Variants in MALAT1 observed in about 807,000 individuals in gnomAD.
MALAT1 encodes hepcarcin.
At chr11:65,499,012 G>T (rs761051659) in exon 3 of MALAT1, 21 of 518,660 alleles carry the variant, frequency 4.0e-5, no homozygotes, top group South Asian at 2.1e-4. Context: ...GTTGTTCTCC[G>T]TCTATAAATA....
intron 2 of MALAT1, chr11:65,498,873 T>G (rs750984980): frequency 1.9e-6 from 1 of 518,398 alleles, no homozygotes; most frequent in Non-Finnish European, 3.9e-6. Flanking sequence ...ATGTGTAGTT[T>G]GCATTCAAGT....
intron 1 of MALAT1, chr11:65,498,475 C>A (rs183969190): frequency 1.9e-6 from 1 of 518,520 alleles, no homozygotes; most frequent in South Asian, 1.4e-5. Context: ...TCTAAGATTT[C>A]CCAAGCAGAC....
At chr11:65,502,799 A>T in exon 3 of MALAT1, 1 of 513,752 alleles carries the variant, frequency 1.9e-6, no homozygotes, top group Non-Finnish European at 3.9e-6. Flanking sequence ...CTTACTACTG[A>T]TGAGAACATT....
Position 65,499,583 on chromosome 11 carries a change from C to T in MALAT1, n.846C>T, listed in dbSNP as rs183072922. The T allele has an allele frequency of 2.0e-5, 9 of 453,334 alleles. No individual in the cohort carries two copies. The East Asian group carries it at 4.8e-4, about 24-fold the overall frequency. 28.1% of individuals were successfully genotyped at this position (453,334 alleles called of 1,614,324 possible). Reference sequence around the variant, plus strand: ...ATTTAAAGCCTAGTTAACGCATTTACTAAACGCAGACGAAAATGGAAAGAT... The same window carrying T: ...ATTTAAAGCCTAGTTAACGCATTTATTAAACGCAGACGAAAATGGAAAGAT... On this transcript the variant is annotated non_coding_transcript_exon_variant, in exon 3 of 4. Transcript: ENST00000619449.
chr11:65,499,921 CAA>C (rs1854502080), exon 3 of MALAT1: 1 of 435,208 alleles, frequency 2.3e-6, no homozygotes, highest in Non-Finnish European at 4.5e-6. Context: ...CAAGCTAAGA[CAA>C]GTATTGGAGA....
At chr11:65,498,445 C>G (rs1191363573) in intron 1 of MALAT1, 1 of 518,576 alleles carries the variant, frequency 1.9e-6, no homozygotes, top group Non-Finnish European at 3.8e-6. Context: ...AGGCGTTTTC[C>G]AAGAGTGGGT....
chr11:65,504,069 C>G (rs141917157), intron 3 of MALAT1: 5 of 518,044 alleles, frequency 9.7e-6, no homozygotes, highest in African/African-American at 5.8e-5. Flanking sequence ...ATGTTTTACA[C>G]TATTGACCTT....
At chr11:65,502,163 T>G (rs767564359) in exon 3 of MALAT1, 1 of 516,740 alleles carries the variant, frequency 1.9e-6, no homozygotes, top group Non-Finnish European at 3.9e-6. Context: ...TATAGAGCTT[T>G]TGGGGAAGGA....
At chr11:65,505,441 C>G (rs1039564946) in intron 3 of MALAT1, 26 of 512,740 alleles carry the variant, frequency 5.1e-5, no homozygotes, top group Non-Finnish European at 9.7e-5. Context: ...TAATAAAGCC[C>G]AAATCTCAAG....
At chr11:65,505,439 C>T in intron 3 of MALAT1, 1 of 512,704 alleles carries the variant, frequency 2.0e-6, no homozygotes, top group Admixed American at 2.0e-5. Flanking sequence ...AATAATAAAG[C>T]CCAAATCTCA....
intron 3 of MALAT1, chr11:65,506,065 C>A: frequency 4.7e-6 from 2 of 428,300 alleles, no homozygotes; most frequent in South Asian, 1.7e-5. Flanking sequence ...GTATTGTTTT[C>A]TCAGGTTTTG....
chr11:65,503,586 C>G (rs759638626), exon 3 of MALAT1: 2 of 511,662 alleles, frequency 3.9e-6, no homozygotes, highest in Non-Finnish European at 7.8e-6. Context: ...TGTAGAAAAC[C>G]ATTAAATCAT....
In MALAT1 at chr11:65,499,660, G is replaced by A. The variant is rs1034501373; in HGVS notation, n.923G>A. Reference sequence around the variant, plus strand: ...TTTGGAGAAGATAGAAGTTTGAAGTGGAAAACTGGAAGACAGAAGTACGGG... The same window carrying A: ...TTTGGAGAAGATAGAAGTTTGAAGTAGAAAACTGGAAGACAGAAGTACGGG... On this transcript the variant is annotated non_coding_transcript_exon_variant, in exon 3 of 4. Coordinates refer to ENST00000619449, the Ensembl canonical transcript of MALAT1. 3 of 435,242 alleles carry A rather than the reference G, an allele frequency of 6.9e-6. No individual in the cohort carries two copies. In the Admixed American group the frequency reaches 8.3e-5, roughly 12 times the overall value. The allele number at this position is 435,242 out of a possible 1,614,324, so 27.0% of individuals were successfully genotyped here.
chr11:65,502,521 A>G (rs538195270), exon 3 of MALAT1: 1 of 486,086 alleles, frequency 2.1e-6, no homozygotes, highest in African/African-American at 2.0e-5. Context: ...TGTTTATTTT[A>G]AACTTATCTG....
chr11:65,504,340 G>A (rs1412847560), intron 3 of MALAT1: 1 of 514,768 alleles, frequency 1.9e-6, no homozygotes, highest in African/African-American at 1.9e-5. Context: ...CACAGAGAAT[G>A]CAGTTGTCTT....
chr11:65,500,520 A>T (rs1379906847), exon 3 of MALAT1: 2 of 518,900 alleles, frequency 3.9e-6, no homozygotes, highest in Non-Finnish European at 7.7e-6. Context: ...CGTGGTGAAG[A>T]TAGGAAAAGA....
At chr11:65,501,098 G>A (rs1393596692) in exon 3 of MALAT1, 1 of 515,650 alleles carries the variant, frequency 1.9e-6, no homozygotes, top group Non-Finnish European at 3.9e-6. Flanking sequence ...CAGTTTGTAT[G>A]TTTAGTTGGG....
chr11:65,498,450 G>C (rs1411266468), intron 1 of MALAT1: 1 of 518,652 alleles, frequency 1.9e-6, no homozygotes, highest in East Asian at 5.4e-5. Context: ...TTTTCCAAGA[G>C]TGGGTTTTCA....
At chr11:65,505,783 T>TA (rs1178352324) in intron 3 of MALAT1, 4 of 516,130 alleles carry the variant, frequency 7.7e-6, no homozygotes, top group South Asian at 5.6e-5. Flanking sequence ...TTATAATACT[T>TA]ATCCAGTGAC....
Sources: gnomAD v4.1 joint callset for allele counts on GRCh38, gnomAD v4.1.1 for gene constraint, MANE v1.5 for transcripts, NCBI Gene and HGNC (gene_info 2026-07-23, HGNC 2026-07-21) for gene names.